Variants in MLLT3 observed in about 807,000 individuals in gnomAD.
MLLT3 encodes protein AF-9.
MLLT3 carries 4 observed loss-of-function variants against 53.2 expected under a neutral mutation model. The observed-to-expected ratio is 0.08, with a 90% CI of 0.04 to 0.17. MLLT3 has a LOEUF of 0.17. Among genes scored for constraint, MLLT3 ranks in the 10% least tolerant of loss-of-function variants. The pLI is 1.00. For missense variants in MLLT3, 569 were observed against 684.0 expected, an observed-to-expected ratio of 0.83 and a Z score of 1.87; for synonymous variants, 283 against 230.6, an observed-to-expected ratio of 1.23 and a Z score of -2.06.
intron 5 of MLLT3, among the ~76,000 whole-genome samples, chr9:20,397,081 T>C (rs1407687806): frequency 6.6e-6 from 1 of 152,172 alleles, no homozygotes; most frequent in East Asian, 1.9e-4. Context: ...TCACACTCAA[T>C]GCATTATCTA....
chr9:20,606,101 C>T (rs1420770352), intron 2 of MLLT3, among the ~76,000 whole-genome samples: 4 of 152,000 alleles, frequency 2.6e-5, no homozygotes, highest in East Asian at 3.9e-4. Flanking sequence ...AATTCAATAA[C>T]GTAAAACTAT....
intron 2 of MLLT3, among the ~76,000 whole-genome samples, chr9:20,610,068 G>C (rs1223803369): frequency 6.6e-6 from 1 of 152,062 alleles, no homozygotes; most frequent in Non-Finnish European, 1.5e-5. Context: ...AGGAAAAACA[G>C]TATTTTCAGA....
intron 8 of MLLT3, 35 bp from the exon 9 acceptor site, chr9:20,354,914 T>C (rs776842247): frequency 5.9e-6 from 9 of 1,518,138 alleles, no homozygotes; most frequent in Admixed American, 3.3e-5. Context: ...TTAAATTTTA[T>C]TTCAAGCATC....
chr9:20,372,094 T>C (rs575368594), intron 5 of MLLT3, among the ~76,000 whole-genome samples: 53 of 152,342 alleles, frequency 3.5e-4, no homozygotes, highest in Admixed American at 7.8e-4. Context: ...TCTGAAGATG[T>C]GACTGAATTT....
chr9:20,534,776 C>T (rs936795817), intron 2 of MLLT3, among the ~76,000 whole-genome samples: 1 of 152,022 alleles, frequency 6.6e-6, no homozygotes, highest in African/African-American at 2.4e-5. Context: ...ATCCCAGCAA[C>T]TTGGGAGGCT....
At chr9:20,533,713 C>A (rs1472448917) in intron 2 of MLLT3, among the ~76,000 whole-genome samples, 1 of 152,176 alleles carries the variant, frequency 6.6e-6, no homozygotes, top group East Asian at 1.9e-4. Flanking sequence ...GAATATTATT[C>A]AGTCATAAAA....
intron 7 of MLLT3, 56 bp from the exon 8 acceptor site, chr9:20,360,897 A>G: frequency 6.8e-7 from 1 of 1,469,578 alleles, no homozygotes; most frequent in South Asian, 1.1e-5. Flanking sequence ...TTCTTGAAAT[A>G]CCCATAGAAA....
chr9:20,443,609 C>G (rs1053946170), intron 4 of MLLT3, among the ~76,000 whole-genome samples: 20 of 152,312 alleles, frequency 1.3e-4, no homozygotes, highest in African/African-American at 4.8e-4. Flanking sequence ...GCTGGTTACA[C>G]TAACTTGGTG....
At chr9:20,498,446 T>C (rs1284014312) in intron 2 of MLLT3, among the ~76,000 whole-genome samples, 3 of 152,106 alleles carry the variant, frequency 2.0e-5, no homozygotes, top group South Asian at 4.1e-4. Flanking sequence ...TTTGATGAAG[T>C]GTCTATTCAA....
At chr9:20,421,842 A>G (rs1823016440) in intron 4 of MLLT3, among the ~76,000 whole-genome samples, 1 of 152,202 alleles carries the variant, frequency 6.6e-6, no homozygotes. Flanking sequence ...TTGGCAGAGA[A>G]AGAGAGAGAG....
chr9:20,462,035 C>G (rs985582517), intron 2 of MLLT3, among the ~76,000 whole-genome samples: 2 of 152,206 alleles, frequency 1.3e-5, no homozygotes, highest in Non-Finnish European at 2.9e-5. Context: ...AGATCCTGTT[C>G]AGCCCATCTC....
At chr9:20,596,935 T>C (rs1820286758) in intron 2 of MLLT3, among the ~76,000 whole-genome samples, 1 of 152,198 alleles carries the variant, frequency 6.6e-6, no homozygotes. Flanking sequence ...GGAATATTTT[T>C]TCATTTATTT....
intron 2 of MLLT3, among the ~76,000 whole-genome samples, chr9:20,535,892 C>G (rs1314948136): frequency 6.6e-6 from 1 of 151,958 alleles, no homozygotes; most frequent in African/African-American, 2.4e-5. Context: ...TAAATTAGAC[C>G]CAATGAGGTT....
chr9:20,398,809 T>C lies in MLLT3; in HGVS notation c.1125+14912A>G, dbSNP rs550120707. 4.7e-4 allele frequency among the ~76,000 whole-genome samples: 71 copies of C among 152,264 alleles called. 1 individual carries two copies. Among genetic ancestry groups the C allele is most frequent in the African/African-American group, 1.5e-3 (62 of 41,574 alleles). ...TCGGAATTTTAGACTCTGACATCCCTCTGCTGTCTCAATAAAAGATTAGTT... is the reference window on the plus strand; with the variant it reads ...TCGGAATTTTAGACTCTGACATCCCCCTGCTGTCTCAATAAAAGATTAGTT... On this transcript the variant is annotated intron_variant, in intron 5 of 10. Coordinates refer to ENST00000380338, the MANE Select transcript of MLLT3 (RefSeq NM_004529.4).
At chr9:20,494,072 G>C (rs1314109873) in intron 2 of MLLT3, among the ~76,000 whole-genome samples, 6 of 152,060 alleles carry the variant, frequency 3.9e-5, no homozygotes, top group Admixed American at 3.9e-4. Context: ...CAGTTCCTAA[G>C]TTTTCATTTA....
intron 2 of MLLT3, among the ~76,000 whole-genome samples, chr9:20,553,331 A>C (rs1818973027): frequency 6.6e-6 from 1 of 152,176 alleles, no homozygotes; most frequent in Non-Finnish European, 1.5e-5. Context: ...ATGCATATCC[A>C]CAAGGAGGTA....
intron 2 of MLLT3, among the ~76,000 whole-genome samples, chr9:20,494,872 A>T (rs1825043108): frequency 1.3e-5 from 2 of 152,180 alleles, no homozygotes; most frequent in Admixed American, 1.3e-4. Flanking sequence ...ACAGGTACCA[A>T]ATGGATCTTC....
chr9:20,611,333 T>C (rs1820697228), intron 2 of MLLT3, among the ~76,000 whole-genome samples: 2 of 152,008 alleles, frequency 1.3e-5, no homozygotes. Context: ...AAGAGGCAAA[T>C]TACCTCCCTA....
chr9:20,486,021 T>A (rs568734935), intron 2 of MLLT3, among the ~76,000 whole-genome samples: 4 of 152,250 alleles, frequency 2.6e-5, no homozygotes, highest in East Asian at 1.9e-4. Flanking sequence ...CAGAGATGCA[T>A]GTATTGTATT....
Sources: gnomAD v4.1 joint callset for allele counts (sites outside exome capture counted in the v4.1 genomes callset) on GRCh38, gnomAD v4.1.1 for gene constraint, MANE v1.5 for transcripts, NCBI Gene and HGNC (gene_info 2026-07-23, HGNC 2026-07-21) for gene names.